The following KSR2 variants were observed in gnomAD, a reference collection of about 807,000 sequenced individuals.
The protein encoded by KSR2 is kinase suppressor of ras 2.
In KSR2, 25 loss-of-function variants were observed where a neutral mutation model predicts 107.8. That is an observed-to-expected ratio of 0.23 (90% CI 0.17 to 0.32). KSR2 has a LOEUF of 0.32. Ranked by LOEUF, KSR2 falls within the 10% of genes least tolerant of loss-of-function variation. The probability of loss-of-function intolerance (pLI) is 1.00; values close to 1 mark genes in which losing one functional copy is unlikely to be tolerated. For synonymous variants in KSR2, 480 were observed against 507.0 expected, an observed-to-expected ratio of 0.95 and a Z score of 0.71; for missense variants, 887 against 1,268.9, an observed-to-expected ratio of 0.70 and a Z score of 4.57.
chr12:117,865,963 A>G (rs2137265369), intron 1 of KSR2, among the ~76,000 whole-genome samples: 1 of 152,076 alleles, frequency 6.6e-6, no homozygotes, highest in South Asian at 2.1e-4. Flanking sequence ...TGACTATATC[A>G]AGGAGATAGT....
chr12:117,893,086 T>C lies in KSR2; in HGVS notation c.181-32655A>G, dbSNP rs545024451. On this transcript the variant is annotated intron_variant, in intron 1 of 19. Coordinates refer to ENST00000339824, the MANE Select transcript of KSR2 (RefSeq NM_173598.6). ...AGGCTGGAGTGCAGTGGTGTGATCATGACTCACTGCAGCCTTAACCTCCCA... is the reference window on the plus strand; with the variant it reads ...AGGCTGGAGTGCAGTGGTGTGATCACGACTCACTGCAGCCTTAACCTCCCA... Among the ~76,000 whole-genome samples, 23 of 151,408 alleles carry C rather than the reference T, an allele frequency of 1.5e-4. No individual in the cohort carries two copies. The South Asian group carries it at 4.6e-3, about 30-fold the overall frequency.
rs976526135 is a variant in KSR2 at position 117,461,912 on chromosome 12, T to C, written c.*5287A>G. 1 of 152,170 alleles carries C rather than the reference T, an allele frequency of 6.6e-6. No homozygotes were observed. The highest frequency in any genetic ancestry group is 1.5e-5 in the Non-Finnish European group (1 of 68,050). 9.4% of individuals were successfully genotyped at this position (152,170 alleles called of 1,614,324 possible). Reference sequence around the variant, plus strand: ...CTTTGTCAATGAACAAGAGTATAGATAAAATCAGATGCTGTGTCACCAACT... The same window carrying C: ...CTTTGTCAATGAACAAGAGTATAGACAAAATCAGATGCTGTGTCACCAACT... On this transcript the variant is annotated 3_prime_UTR_variant, in exon 20 of 20. Transcript: ENST00000339824.
intron 5 of KSR2, among the ~76,000 whole-genome samples, chr12:117,617,893 A>G (rs570362953): frequency 6.6e-6 from 1 of 152,330 alleles, no homozygotes; most frequent in Admixed American, 6.5e-5. Flanking sequence ...ATAGCTCCCA[A>G]TTCTGGAAAA....
intron 7 of KSR2, among the ~76,000 whole-genome samples, chr12:117,559,104 T>C (rs1877934054): frequency 6.6e-6 from 1 of 151,840 alleles, no homozygotes; most frequent in Non-Finnish European, 1.5e-5. Context: ...GGTAGATGGA[T>C]AGGTGGATAG....
intron 1 of KSR2, among the ~76,000 whole-genome samples, chr12:117,935,822 G>A (rs1202256096): frequency 6.6e-6 from 1 of 152,094 alleles, no homozygotes; most frequent in Non-Finnish European, 1.5e-5. Flanking sequence ...GGTCACACAA[G>A]CTTCCTAGCT....
chr12:117,720,848 G>A (rs1209280721), intron 4 of KSR2, among the ~76,000 whole-genome samples: 3 of 152,182 alleles, frequency 2.0e-5, no homozygotes, highest in African/African-American at 7.2e-5. Flanking sequence ...TAATTACAAG[G>A]AGGAAAGGAA....
At chr12:117,742,507 A>AATGG (rs1382158537) in intron 4 of KSR2, among the ~76,000 whole-genome samples, 18 of 133,990 alleles carry the variant, frequency 1.3e-4, no homozygotes, top group Middle Eastern at 3.7e-3. Flanking sequence ...GGATGGATAA[A>AATGG]ATGGATGGAT....
At chr12:117,809,623 T>C (rs1891129578) in intron 3 of KSR2, among the ~76,000 whole-genome samples, 1 of 152,222 alleles carries the variant, frequency 6.6e-6, no homozygotes, top group Admixed American at 6.5e-5. Flanking sequence ...TTTGTGGTTG[T>C]CCATAGAAAG....
intron 4 of KSR2, among the ~76,000 whole-genome samples, chr12:117,711,840 C>T (rs1395272328): frequency 3.9e-5 from 6 of 152,134 alleles, no homozygotes; most frequent in Non-Finnish European, 7.4e-5. Context: ...AGAAAGAAGC[C>T]CCAGGGACCC....
At chr12:117,655,113 T>C (rs1884086568) in intron 5 of KSR2, among the ~76,000 whole-genome samples, 1 of 152,218 alleles carries the variant, frequency 6.6e-6, no homozygotes, top group South Asian at 2.1e-4. Context: ...TCTTCCATCA[T>C]GGAAAGGGCA....
At chr12:117,613,404 CCTGT>C (rs1411993104) in intron 5 of KSR2, among the ~76,000 whole-genome samples, 33 of 152,276 alleles carry the variant, frequency 2.2e-4, no homozygotes, top group African/African-American at 7.5e-4. Flanking sequence ...AGCTACTGGC[CCTGT>C]CTAAGTTGTC....
chr12:117,538,259 G>GC (rs1216989717), intron 10 of KSR2, among the ~76,000 whole-genome samples: 1 of 152,158 alleles, frequency 6.6e-6, no homozygotes, highest in Non-Finnish European at 1.5e-5. Flanking sequence ...CTTGGTGGCT[G>GC]CCAGATGAGT....
chr12:117,764,932 G>T (rs1644466541), intron 3 of KSR2, among the ~76,000 whole-genome samples: 1 of 152,228 alleles, frequency 6.6e-6, no homozygotes, highest in African/African-American at 2.4e-5. Context: ...AATGTGCTTA[G>T]CACAGCTCCC....
intron 5 of KSR2, among the ~76,000 whole-genome samples, chr12:117,597,188 C>T (rs1880697898): frequency 6.6e-6 from 1 of 152,188 alleles, no homozygotes; most frequent in South Asian, 2.1e-4. Flanking sequence ...AGTTTATTTA[C>T]AGAGTGGCTA....
Position 117,617,778 on chromosome 12 carries a change from T to C in KSR2, c.1172-35419A>G, listed in dbSNP as rs567324170. 7.2e-5 allele frequency among the ~76,000 whole-genome samples: 11 copies of C among 152,324 alleles called. 1 individual carries two copies. The highest frequency in any genetic ancestry group is 1.9e-4 in the African/African-American group (8 of 41,580). On this transcript the variant is annotated intron_variant, in intron 5 of 19. Transcript: ENST00000339824. ...TTCATTGTGGTAGCATTTATAAACGTGTATGCACGTGCCAAAACTTATCCA... is the reference window on the plus strand; with the variant it reads ...TTCATTGTGGTAGCATTTATAAACGCGTATGCACGTGCCAAAACTTATCCA...
intron 3 of KSR2, among the ~76,000 whole-genome samples, chr12:117,766,980 G>A (rs1345594945): frequency 2.0e-5 from 3 of 151,778 alleles, no homozygotes; most frequent in Non-Finnish European, 4.4e-5. Context: ...ACCTCCTGGA[G>A]TTCAAGCGAT....
intron 4 of KSR2, among the ~76,000 whole-genome samples, chr12:117,710,897 A>C (rs1397750467): frequency 6.6e-6 from 1 of 152,064 alleles, no homozygotes; most frequent in Non-Finnish European, 1.5e-5. Flanking sequence ...TTCCTGCCTC[A>C]AGACCTTTGC....
chr12:117,705,373 T>A (rs972770560), intron 4 of KSR2, among the ~76,000 whole-genome samples: 2 of 152,136 alleles, frequency 1.3e-5, no homozygotes, highest in African/African-American at 2.4e-5. Flanking sequence ...GCCCACTTAT[T>A]TACTGAGGGC....
intron 3 of KSR2, among the ~76,000 whole-genome samples, chr12:117,831,913 T>C (rs1891985195): frequency 6.6e-6 from 1 of 152,224 alleles, no homozygotes; most frequent in Non-Finnish European, 1.5e-5. Flanking sequence ...CCATAACCTT[T>C]AGGAACAGCT....
Sources: gnomAD v4.1 joint callset for allele counts (sites outside exome capture counted in the v4.1 genomes callset) on GRCh38, gnomAD v4.1.1 for gene constraint, MANE v1.5 for transcripts, NCBI Gene and HGNC (gene_info 2026-07-23, HGNC 2026-07-21) for gene names.